Variants in RANBP17 observed in about 807,000 individuals in gnomAD.
The protein encoded by RANBP17 is ran-binding protein 17.
RANBP17 carries 158 observed loss-of-function variants against 141.2 expected under a neutral mutation model. The observed-to-expected ratio is 1.12, with a 90% CI of 0.98 to 1.28. The LOEUF (loss-of-function observed/expected upper bound fraction) is 1.28, where lower values mean the gene tolerates loss of function less well. Ranked by LOEUF, RANBP17 falls within the 50% of genes most tolerant of loss-of-function variation. RANBP17 has a pLI of 0.00. For missense variants in RANBP17, 1,438 were observed against 1,290.7 expected (o/e 1.11, Z -1.75); for synonymous variants, 430 against 450.0 (o/e 0.96, Z 0.56).
chr5:171,029,911 G>A (rs1562003863), intron 14 of RANBP17, among the ~76,000 whole-genome samples: 1 of 151,950 alleles, frequency 6.6e-6, no homozygotes, highest in Non-Finnish European at 1.5e-5. Flanking sequence ...GTTTCATCAT[G>A]ATAATGACAT....
chr5:170,981,414 G>A (rs189767491), intron 14 of RANBP17, among the ~76,000 whole-genome samples: 80 of 152,252 alleles, frequency 5.3e-4, no homozygotes, highest in African/African-American at 1.7e-3. Context: ...TTGAATTCTC[G>A]TGTGTTGTGG....
At chr5:171,188,697 T>C (rs1761429780) in intron 18 of RANBP17, among the ~76,000 whole-genome samples, 1 of 152,166 alleles carries the variant, frequency 6.6e-6, no homozygotes, top group Admixed American at 6.5e-5. Flanking sequence ...TGGAATGGGT[T>C]AACATTTCCT....
At chr5:171,200,244 T>C (rs1307498549) in intron 19 of RANBP17, among the ~76,000 whole-genome samples, 1 of 152,234 alleles carries the variant, frequency 6.6e-6, no homozygotes, top group Non-Finnish European at 1.5e-5. Flanking sequence ...GGAACTGGTC[T>C]TGAAGTATTG....
chr5:170,862,140 C>T (rs1044341569), intron 1 of RANBP17, 89 bp downstream of exon 1: 23 of 1,318,576 alleles, frequency 1.7e-5, no homozygotes, highest in Non-Finnish European at 2.0e-5. Flanking sequence ...AGGACAGCGG[C>T]GGAGGCCGCA....
Position 171,293,980 on chromosome 5 carries a change from A to T in RANBP17, c.3041A>T (p.Lys1014Met). The T allele has an allele frequency of 6.2e-7, 1 of 1,610,250 alleles. No individual in the cohort carries two copies. Among genetic ancestry groups the T allele is most frequent in the South Asian group, 1.1e-5 (1 of 90,994 alleles). Residue 1014 changes from lysine (K) to methionine (M), a missense_variant and splice_region_variant, in exon 26 of 28, where the codon AAG becomes ATG. Physicochemically the swap from Lys to Met is moderately conservative, Grantham distance 95 (BLOSUM62 -1). Transcript: ENST00000523189. ...CTGGGGCTCATCCTGCTCAATGAGA[A>T]GGTGAGTGTGATTGCAGGAAGTCAC... ...PLLGLILLNEKYFSELRASLI... is the reference protein window; with the variant it reads ...PLLGLILLNEMYFSELRASLI...
chr5:171,251,814 G>A, intron 24 of RANBP17: 3 of 1,234,754 alleles, frequency 2.4e-6, no homozygotes, highest in East Asian at 2.3e-5. Flanking sequence ...CTGGCCGGAT[G>A]TAAATCCTAA....
intron 14 of RANBP17, among the ~76,000 whole-genome samples, chr5:171,107,608 G>A (rs1222688881): frequency 6.6e-6 from 1 of 152,078 alleles, no homozygotes; most frequent in Non-Finnish European, 1.5e-5. Context: ...AGATTTTGGT[G>A]ACAAATGAGA....
chr5:170,968,811 C>T (rs1776782077), intron 14 of RANBP17: 2 of 435,860 alleles, frequency 4.6e-6, no homozygotes, highest in African/African-American at 4.1e-5. Flanking sequence ...TTAGATGTGT[C>T]CTTAGGAGAC....
rs576784160 is a variant in RANBP17 at position 171,099,112 on chromosome 5, A to G, written c.1711-71018A>G. On this transcript the variant is annotated intron_variant, in intron 14 of 27. Transcript: ENST00000523189. ...GCTATACGGGCTCTTTTTTGGTTCC[A>G]TATGAAATTTAAAGTAGTTGTTTCC... Among the ~76,000 whole-genome samples, 7 of 152,264 alleles carry G rather than the reference A, an allele frequency of 4.6e-5. No homozygotes were observed. In the South Asian group the frequency reaches 1.0e-3, roughly 23 times the overall value.
chr5:171,135,327 T>C (rs545971587), intron 14 of RANBP17, among the ~76,000 whole-genome samples: 1 of 151,892 alleles, frequency 6.6e-6, no homozygotes, highest in Admixed American at 6.5e-5. Context: ...TGATTTCTTA[T>C]CATTGTTTAC....
chr5:171,223,562 G>A (rs1172584369), intron 22 of RANBP17, among the ~76,000 whole-genome samples: 1 of 152,172 alleles, frequency 6.6e-6, no homozygotes, highest in African/African-American at 2.4e-5. Context: ...TTGAACCCGG[G>A]AGGCAGAGGT....
At chr5:171,088,952 T>C (rs1785943790) in intron 14 of RANBP17, among the ~76,000 whole-genome samples, 1 of 151,822 alleles carries the variant, frequency 6.6e-6, no homozygotes, top group Non-Finnish European at 1.5e-5. Context: ...TGAAGCCTTC[T>C]TCTCTCAGCT....
At chr5:171,285,018 G>C (rs1305805159) in intron 25 of RANBP17, among the ~76,000 whole-genome samples, 2 of 152,080 alleles carry the variant, frequency 1.3e-5, no homozygotes, top group South Asian at 2.1e-4. Context: ...TCTACTCCTT[G>C]CCCCTTAAAT....
At chr5:171,210,692 T>C (rs1762826315) in intron 20 of RANBP17, among the ~76,000 whole-genome samples, 1 of 152,156 alleles carries the variant, frequency 6.6e-6, no homozygotes, top group African/African-American at 2.4e-5. Context: ...AATTTGAGCA[T>C]GTGTTCCCCA....
intron 7 of RANBP17, 105 bp downstream of exon 7, chr5:170,911,239 A>T: frequency 1.0e-6 from 1 of 1,004,920 alleles, no homozygotes. Flanking sequence ...TTAAAAAAAT[A>T]GCTCAAATGG....
chr5:171,028,401 T>C (rs571718852), intron 14 of RANBP17, among the ~76,000 whole-genome samples: 2 of 152,222 alleles, frequency 1.3e-5, no homozygotes, highest in African/African-American at 4.8e-5. Context: ...TATTAGGCAC[T>C]GTTGTTTGGA....
At chr5:171,298,705 A>G in intron 27 of RANBP17, 57 bp from the exon 28 acceptor site, 1 of 1,412,018 alleles carries the variant, frequency 7.1e-7, no homozygotes, top group Non-Finnish European at 1.0e-6. Flanking sequence ...ATCGTCCAGA[A>G]ATTCATGGAG....
rs754641333 is a variant in RANBP17 at position 170,881,813 on chromosome 5, A to G, written c.173A>G (p.Tyr58Cys). 7.5e-6 allele frequency: 12 copies of G among 1,595,622 alleles called. No individual in the cohort carries two copies. Among genetic ancestry groups the G allele is most frequent in the African/African-American group, 2.7e-5 (2 of 74,392 alleles). ...TAAAATTATTCTTTACAGACATCCT[A>G]TGCTCAGCTCCTTGCAGCAACATGT... ...QLLLEQGTTS[Y>C]AQLLAATCLS... Residue 58 changes from tyrosine (Y) to cysteine (C), a missense_variant, in exon 3 of 28, where the codon TAT (tyrosine) becomes TGT (cysteine). Tyr to Cys is a radical substitution (Grantham distance 194). Transcript: ENST00000523189.
intron 14 of RANBP17, among the ~76,000 whole-genome samples, chr5:171,106,235 A>G (rs1350046921): frequency 6.6e-6 from 1 of 152,186 alleles, no homozygotes; most frequent in East Asian, 1.9e-4. Context: ...TACTTTCCTC[A>G]GGCTTGGGGA....
Sources: gnomAD v4.1 joint callset for allele counts (sites outside exome capture counted in the v4.1 genomes callset) on GRCh38, gnomAD v4.1.1 for gene constraint, MANE v1.5 for transcripts, NCBI Gene and HGNC (gene_info 2026-07-23, HGNC 2026-07-21) for gene names.